The following PTPRO variants were observed in gnomAD, a reference collection of about 807,000 sequenced individuals.
The protein encoded by PTPRO is protein tyrosine phosphatase receptor type O.
A neutral mutation model predicts 145.2 loss-of-function variants in PTPRO; 62 were observed. That is an observed-to-expected ratio of 0.43 (90% CI 0.35 to 0.53). PTPRO has a LOEUF of 0.53. PTPRO is among the 20% of genes least tolerant of loss of function. The pLI is 0.01. For missense variants in PTPRO, 1,345 were observed against 1,482.7 expected (o/e 0.91, Z 1.53); for synonymous variants, 565 against 514.7 (o/e 1.10, Z -1.32).
Position 15,573,046 on chromosome 12 carries a change from G to A in PTPRO, c.2829+3548G>A, listed in dbSNP as rs186097515. ...CAAGCTTTATAACCCATGTGTATTA[G>A]TCATGGGTTCTCCAGAGAAACCAAT... is the stretch of plus-strand genomic sequence containing the variant. On this transcript the variant is annotated intron_variant, in intron 19 of 26. Transcript: ENST00000281171. Among the ~76,000 whole-genome samples the A allele has an allele frequency of 5.3e-5, 8 of 152,286 alleles. No homozygotes were observed. In the East Asian group the frequency reaches 1.5e-3, roughly 29 times the overall value.
intron 1 of PTPRO, among the ~76,000 whole-genome samples, chr12:15,436,694 G>T (rs1940604275): frequency 6.6e-6 from 1 of 152,234 alleles, no homozygotes; most frequent in Non-Finnish European, 1.5e-5. Flanking sequence ...TTAAATCTGG[G>T]TGCATACAAA....
At chr12:15,433,264 C>T (rs571783725) in intron 1 of PTPRO, among the ~76,000 whole-genome samples, 1 of 151,560 alleles carries the variant, frequency 6.6e-6, no homozygotes, top group South Asian at 2.1e-4. Flanking sequence ...CAACCTCTGC[C>T]TCCTGGGTTC....
chr12:15,565,577 C>T lies in PTPRO; in HGVS notation c.2712-16C>T, dbSNP rs750431657. 1.4e-6 allele frequency: 2 copies of T among 1,441,438 alleles called. No individual in the cohort carries two copies. The highest frequency in any genetic ancestry group is 1.8e-4 in the Middle Eastern group (1 of 5,516). The allele number at this position is 1,441,438 out of a possible 1,614,324, so 89.3% of individuals were successfully genotyped here. ...TTCTGCCCAGATAAATTTGTCTTTT[C>T]TTTTTTAATTATCAGGAGTAAAAAT... On this transcript the variant is annotated splice_polypyrimidine_tract_variant and intron_variant, in intron 17 of 26. Transcript: ENST00000281171.
At chr12:15,585,050 C>G (rs970845447) in intron 23 of PTPRO, among the ~76,000 whole-genome samples, 9 of 152,128 alleles carry the variant, frequency 5.9e-5, no homozygotes, top group African/African-American at 2.2e-4. Flanking sequence ...CAGGGCTGAC[C>G]CCAGTTCCAG....
At chr12:15,511,635 G>A (rs758066102) in intron 7 of PTPRO, among the ~76,000 whole-genome samples, 3 of 152,074 alleles carry the variant, frequency 2.0e-5, no homozygotes, top group Non-Finnish European at 4.4e-5. Flanking sequence ...TCATGATCTT[G>A]GCTCACTGCA....
At chr12:15,332,037 C>T (rs193086898) in intron 1 of PTPRO, among the ~76,000 whole-genome samples, 9 of 143,734 alleles carry the variant, frequency 6.3e-5, no homozygotes, top group African/African-American at 2.3e-4. Context: ...ATGATCTAGG[C>T]TCACTGCAAC....
intron 1 of PTPRO, among the ~76,000 whole-genome samples, chr12:15,394,687 T>C (rs140294487): frequency 1.3e-5 from 2 of 152,228 alleles, no homozygotes; most frequent in Non-Finnish European, 2.9e-5. Context: ...TGGGACAAGG[T>C]GGGGATGCAG....
intron 1 of PTPRO, among the ~76,000 whole-genome samples, chr12:15,326,193 T>C (rs968362630): frequency 2.0e-5 from 3 of 152,244 alleles, no homozygotes; most frequent in African/African-American, 7.2e-5. Context: ...TTGCACAGTG[T>C]TGGCAGGTGA....
intron 1 of PTPRO, among the ~76,000 whole-genome samples, chr12:15,429,447 T>C (rs1940373741): frequency 6.6e-6 from 1 of 152,116 alleles, no homozygotes. Context: ...GATACATGTG[T>C]TCAAATCCAC....
chr12:15,338,539 T>C (rs1866849686), intron 1 of PTPRO, among the ~76,000 whole-genome samples: 1 of 152,148 alleles, frequency 6.6e-6, no homozygotes, highest in Non-Finnish European at 1.5e-5. Context: ...ATCTAGAAAG[T>C]TCTTGAAAGG....
rs1866325314 is a variant in PTPRO, at chr12:15,322,579, C to A, written c.-148C>A. The A allele has an allele frequency of 7.0e-6, 5 of 714,458 alleles. No homozygotes were observed. In the African/African-American group the frequency reaches 8.8e-5, roughly 13 times the overall value. 44.3% of individuals were successfully genotyped at this position (714,458 alleles called of 1,614,324 possible). ...GGCGCAGAGGAGGAAAGGGAGCAGG[C>A]GCAGGGGGACTGGAAAGGCAGCATG... On this transcript the variant is annotated 5_prime_UTR_variant, in exon 1 of 27. Coordinates refer to ENST00000281171, the MANE Select transcript of PTPRO (RefSeq NM_030667.3). This position sits in a 1 kb window ranked among gnomAD's most constrained non-coding sequence, Gnocchi z 6.3.
At chr12:15,594,734 C>A (rs1944623346) in intron 25 of PTPRO, among the ~76,000 whole-genome samples, 1 of 151,776 alleles carries the variant, frequency 6.6e-6, no homozygotes, top group African/African-American at 2.4e-5. Context: ...TTTAAAAAAG[C>A]CATGATGTTC....
intron 1 of PTPRO, among the ~76,000 whole-genome samples, chr12:15,335,496 A>G (rs903172540): frequency 2.6e-5 from 4 of 152,188 alleles, no homozygotes; most frequent in Admixed American, 6.5e-5. Flanking sequence ...TTCCTCTGCA[A>G]TTTTCCCTAA....
intron 8 of PTPRO, 128 bp from the exon 9 acceptor site, chr12:15,516,635 A>AAGGGAGGGAGGGAGGGAGGG (rs534560313): frequency 2.9e-6 from 2 of 688,650 alleles, no homozygotes; most frequent in Non-Finnish European, 5.0e-6. Flanking sequence ...GGAAGGAAGG[A>AAGGGAGGGAGGGAGGGAGGG]AGGGAGGGAG....
At chr12:15,361,908 T>G (rs752310271) in intron 1 of PTPRO, among the ~76,000 whole-genome samples, 6 of 152,214 alleles carry the variant, frequency 3.9e-5, no homozygotes, top group Non-Finnish European at 8.8e-5. Context: ...AATGGAGAAA[T>G]GTCTTATATC....
At chr12:15,520,349 A>G in intron 10 of PTPRO, 37 bp downstream of exon 10, 1 of 1,489,452 alleles carries the variant, frequency 6.7e-7, no homozygotes, top group East Asian at 2.3e-5. Context: ...ACAAGGAGAG[A>G]GCATTATTGT....
At chr12:15,551,293 T>C (rs577696319) in intron 14 of PTPRO, among the ~76,000 whole-genome samples, 16 of 152,216 alleles carry the variant, frequency 1.1e-4, no homozygotes, top group Non-Finnish European at 2.1e-4. Flanking sequence ...AGTTTCCCTA[T>C]GTAAGAATAT....
intron 24 of PTPRO, among the ~76,000 whole-genome samples, chr12:15,587,622 GA>G (rs1172149841): frequency 6.6e-6 from 1 of 152,070 alleles, no homozygotes; most frequent in African/African-American, 2.4e-5. Flanking sequence ...AAGGATATAG[GA>G]TATAAAAAAA....
intron 1 of PTPRO, among the ~76,000 whole-genome samples, chr12:15,441,873 A>G (rs913894918): frequency 1.2e-4 from 18 of 152,244 alleles, no homozygotes; most frequent in African/African-American, 4.1e-4. Context: ...AAAAACTACC[A>G]ACCAATAAAA....
Sources: gnomAD v4.1 joint callset for allele counts (sites outside exome capture counted in the v4.1 genomes callset) on GRCh38, gnomAD v4.1.1 for gene constraint, Gnocchi (gnomAD v3.1) non-coding constraint, MANE v1.5 for transcripts, NCBI Gene and HGNC (gene_info 2026-07-23, HGNC 2026-07-21) for gene names.